CNTN6: variants seen among roughly 807,000 people sequenced by gnomAD.
The protein encoded by CNTN6 is contactin 6.
In CNTN6, 137 loss-of-function variants were observed where a neutral mutation model predicts 122.8. The ratio of observed to expected loss-of-function variants is 1.12; its 90% CI spans 0.97 to 1.29. The LOEUF (loss-of-function observed/expected upper bound fraction) is 1.29, where lower values mean the gene tolerates loss of function less well. CNTN6 is among the 50% of genes most tolerant of loss of function. The pLI, the probability that CNTN6 is intolerant of heterozygous loss-of-function variation, is 0.00. For synonymous variants in CNTN6, 570 were observed against 426.0 expected, an observed-to-expected ratio of 1.34 and a Z score of -4.16; for missense variants, 1,634 against 1,223.4, an observed-to-expected ratio of 1.34 and a Z score of -5.01.
intron 11 of CNTN6, among the ~76,000 whole-genome samples, chr3:1,341,433 G>C (rs1703874873): frequency 6.6e-6 from 1 of 152,038 alleles, no homozygotes; most frequent in African/African-American, 2.4e-5. Flanking sequence ...TATTTCACTG[G>C]ATTAATTTAG....
chr3:1,315,329 A>G (rs1379328231), intron 7 of CNTN6, among the ~76,000 whole-genome samples: 1 of 152,048 alleles, frequency 6.6e-6, no homozygotes, highest in African/African-American at 2.4e-5. Flanking sequence ...TGCTGAAGCC[A>G]CAGTAGGAGA....
At chr3:1,364,857 G>A (rs1482413775) in intron 12 of CNTN6, among the ~76,000 whole-genome samples, 1 of 151,854 alleles carries the variant, frequency 6.6e-6, no homozygotes, top group African/African-American at 2.4e-5. Flanking sequence ...CTTAAGAATA[G>A]GACTGCTAGA....
intron 5 of CNTN6, among the ~76,000 whole-genome samples, chr3:1,279,173 C>T (rs1559691242): frequency 2.0e-5 from 3 of 152,146 alleles, no homozygotes; most frequent in South Asian, 4.1e-4. Flanking sequence ...TAAATGCCAG[C>T]CTCTACTTTG....
At chr3:1,188,185 T>C (rs2093655260) in intron 2 of CNTN6, among the ~76,000 whole-genome samples, 1 of 152,220 alleles carries the variant, frequency 6.6e-6, no homozygotes, top group Non-Finnish European at 1.5e-5. Flanking sequence ...TAGAGAGGAC[T>C]GAAGTCTTTA....
At chr3:1,109,689 A>T (rs1188997553) in intron 1 of CNTN6, among the ~76,000 whole-genome samples, 1 of 152,036 alleles carries the variant, frequency 6.6e-6, no homozygotes, top group Non-Finnish European at 1.5e-5. Flanking sequence ...AAAATGATAT[A>T]TTTTTTATTC....
chr3:1,275,557 A>C (rs1487603666), intron 4 of CNTN6, among the ~76,000 whole-genome samples: 1 of 152,188 alleles, frequency 6.6e-6, no homozygotes, highest in East Asian at 1.9e-4. Context: ...AAAGTTTAAG[A>C]GTCACCCCAT....
At chr3:1,247,213 A>G (rs764867216) in intron 4 of CNTN6, among the ~76,000 whole-genome samples, 1 of 152,122 alleles carries the variant, frequency 6.6e-6, no homozygotes, top group Non-Finnish European at 1.5e-5. Context: ...GGTTCAATAT[A>G]CAATTTTTTT....
At position 1,329,884 on chromosome 3, in the gene CNTN6, G is replaced by C. The variant is rs755856499; in HGVS notation, c.1313G>C (p.Arg438Thr). The C allele has an allele frequency of 8.7e-6, 14 of 1,609,982 alleles. No individual in the cohort carries two copies. The Middle Eastern group carries it at 5.0e-4, about 57-fold the overall frequency. The change falls in exon 11 of 23, where the codon AGG becomes ACG. Residue 438 changes from arginine (R) to threonine (T), a missense_variant. Transcript: ENST00000446702. ...GGATGCAAACCAAATGCTTTTCCCA[G>C]GGCAGCTATCTCTTGGAAAAGAGGA... is the stretch of plus-strand genomic sequence containing the variant. The part of the protein sequence containing the change: ...VIGCKPNAFP[R>T]AAISWKRGTE...
chr3:1,325,355 C>T (rs1233345844), intron 8 of CNTN6, among the ~76,000 whole-genome samples: 3 of 151,794 alleles, frequency 2.0e-5, no homozygotes, highest in Non-Finnish European at 4.4e-5. Flanking sequence ...TTGATTTATG[C>T]TTCAAGGTAT....
chr3:1,183,981 C>T (rs2872547), intron 2 of CNTN6, among the ~76,000 whole-genome samples: 78,685 of 152,016 alleles, frequency 0.52, 21,096 homozygotes, highest in East Asian at 0.76. Context: ...AGCTGGCTAG[C>T]GGCTGAAGGC....
intron 11 of CNTN6, among the ~76,000 whole-genome samples, chr3:1,330,834 G>A (rs1015214090): frequency 3.3e-5 from 5 of 151,942 alleles, no homozygotes; most frequent in East Asian, 3.9e-4. Flanking sequence ...TGACTGTGAC[G>A]GACTAGAAAG....
intron 4 of CNTN6, among the ~76,000 whole-genome samples, chr3:1,258,129 A>G (rs3772332): frequency 4.6e-5 from 7 of 152,154 alleles, no homozygotes; most frequent in African/African-American, 1.7e-4. Context: ...AACAAAGCCA[A>G]TTCTGGTCCC....
chr3:1,206,383 C>T (rs2093958450), intron 2 of CNTN6, among the ~76,000 whole-genome samples: 1 of 152,148 alleles, frequency 6.6e-6, no homozygotes, highest in Non-Finnish European at 1.5e-5. Flanking sequence ...CTCTGCCTTC[C>T]CTCCTGTTAC....
At chr3:1,177,571 T>G (rs2093474082) in intron 2 of CNTN6, among the ~76,000 whole-genome samples, 1 of 152,146 alleles carries the variant, frequency 6.6e-6, no homozygotes, top group Non-Finnish European at 1.5e-5. Flanking sequence ...CAAGTTCAGC[T>G]CTGCTGACAA....
chr3:1,220,674 T>C lies in CNTN6; in HGVS notation c.56-13T>C. 3 of 1,596,268 alleles carry C rather than the reference T, an allele frequency of 1.9e-6. No individual in the cohort carries two copies. Among genetic ancestry groups the C allele is most frequent in the Non-Finnish European group, 2.6e-6 (3 of 1,173,606 alleles). The stretch of plus-strand genomic sequence containing the variant: ...ACTTTTTTTTCATGTGATTTATTCT[T>C]TTCTTTTCCCAGGTGATGGTCTTTT... On this transcript the variant is annotated splice_polypyrimidine_tract_variant and intron_variant, in intron 2 of 22. Coordinates refer to ENST00000446702, the MANE Select transcript of CNTN6 (RefSeq NM_001289080.2).
At chr3:1,207,789 TA>T (rs2093978141) in intron 2 of CNTN6, among the ~76,000 whole-genome samples, 1 of 152,108 alleles carries the variant, frequency 6.6e-6, no homozygotes, top group South Asian at 2.1e-4. Context: ...GATTGTTCAG[TA>T]AATGAATAAA....
Position 1,277,346 on chromosome 3 carries a change from C to CTTTTTT in CNTN6, c.359-1041_359-1036dup, listed in dbSNP as rs10599744. Among the ~76,000 whole-genome samples, 198 of 80,168 alleles carry CTTTTTT rather than the reference C, an allele frequency of 2.5e-3. 26 individuals carry two copies. Among genetic ancestry groups the CTTTTTT allele is most frequent in the East Asian group, 0.015 (41 of 2,676 alleles). The allele number at this position is 80,168 out of a possible 152,430, so 52.6% of individuals were successfully genotyped here. ...CTACTTCTGTCTTTTAGTAGGTTTT[C>CTTTTTT]TTTTTTTTTTTTTTTTTTTTTTTTT... On this transcript the variant is annotated intron_variant, in intron 4 of 22. Coordinates refer to ENST00000446702, the MANE Select transcript of CNTN6 (RefSeq NM_001289080.2).
intron 4 of CNTN6, among the ~76,000 whole-genome samples, chr3:1,242,185 C>T (rs1263143569): frequency 2.0e-5 from 3 of 152,164 alleles, no homozygotes; most frequent in East Asian, 1.9e-4. Flanking sequence ...TGCAGCAGTA[C>T]AGCCTTGGTA....
rs568608702 is a variant in CNTN6 at position 1,354,110 on chromosome 3, T to C, written c.1492+1659T>C. Among the ~76,000 whole-genome samples the C allele has an allele frequency of 3.6e-4, 55 of 151,462 alleles. 1 individual carries two copies. The highest frequency in any genetic ancestry group is 3.4e-3 in the Middle Eastern group (1 of 294). ...ATATTCACAGTCCACTAATAACTGA[T>C]GAAAGAAAAATAAAAGGTGACGGCT... On this transcript the variant is annotated intron_variant, in intron 12 of 22. Coordinates refer to ENST00000446702, the MANE Select transcript of CNTN6 (RefSeq NM_001289080.2).
Sources: allele counts gnomAD v4.1 joint callset (sites outside exome capture counted in the v4.1 genomes callset), GRCh38; gene constraint gnomAD v4.1.1; transcripts MANE v1.5; gene names NCBI Gene and HGNC (gene_info 2026-07-23, HGNC 2026-07-21).